MAGI2: variants seen among roughly 807,000 people sequenced by gnomAD.
The protein encoded by MAGI2 is membrane-associated guanylate kinase, WW and PDZ domain-containing protein 2.
Under a neutral mutation model 133.3 loss-of-function variants are expected in MAGI2, and 35 were observed. The observed-to-expected ratio is 0.26, with a 90% CI of 0.20 to 0.35. The LOEUF (loss-of-function observed/expected upper bound fraction) is 0.35, where lower values mean the gene tolerates loss of function less well. MAGI2 is among the 10% of genes least tolerant of loss of function. MAGI2 has a pLI of 1.00. For synonymous variants in MAGI2, 729 were observed against 710.6 expected, an observed-to-expected ratio of 1.03 and a Z score of -0.41; for missense variants, 1,636 against 1,863.4, an observed-to-expected ratio of 0.88 and a Z score of 2.25.
intron 20 of MAGI2, among the ~76,000 whole-genome samples, chr7:78,112,418 C>T (rs1450482237): frequency 6.6e-6 from 1 of 152,180 alleles, no homozygotes; most frequent in Non-Finnish European, 1.5e-5. Flanking sequence ...TTTGCATATA[C>T]AACCTCACTG....
intron 5 of MAGI2, chr7:78,490,092 T>G (rs958887978): frequency 6.6e-6 from 3 of 455,944 alleles, no homozygotes; most frequent in Non-Finnish European, 1.2e-5. Context: ...CAAGTTAACC[T>G]CATTGAAAAT....
At chr7:78,794,239 C>T (rs1413522459) in intron 2 of MAGI2, among the ~76,000 whole-genome samples, 1 of 152,114 alleles carries the variant, frequency 6.6e-6, no homozygotes, top group African/African-American at 2.4e-5. Flanking sequence ...CTGGTTAATC[C>T]TGAGATGCGG....
chr7:78,695,078 AG>A (rs1291643302), intron 2 of MAGI2, among the ~76,000 whole-genome samples: 1 of 152,024 alleles, frequency 6.6e-6, no homozygotes, highest in Admixed American at 6.6e-5. Context: ...ATGAAAGATT[AG>A]CTGGGCGTGG....
intron 11 of MAGI2, among the ~76,000 whole-genome samples, chr7:78,198,517 C>T (rs565083649): frequency 7.0e-4 from 106 of 150,916 alleles, no homozygotes; most frequent in African/African-American, 2.2e-3. Context: ...CTGCAACCTC[C>T]GCCTCCCGGG....
chr7:78,111,798 A>G (rs1008500552), intron 20 of MAGI2, among the ~76,000 whole-genome samples: 12 of 152,244 alleles, frequency 7.9e-5, no homozygotes, highest in Non-Finnish European at 1.8e-4. Context: ...GTGATGGCTG[A>G]GAGACAACCA....
intron 1 of MAGI2, chr7:79,351,941 T>C (rs2129110567): frequency 6.6e-6 from 1 of 152,330 alleles, no homozygotes; most frequent in African/African-American, 2.4e-5. Context: ...ACCAAAATCA[T>C]TAATTCATTT....
intron 7 of MAGI2, among the ~76,000 whole-genome samples, chr7:78,354,277 T>C (rs559526431): frequency 6.6e-6 from 1 of 152,342 alleles, no homozygotes; most frequent in South Asian, 2.1e-4. Context: ...AATAAATTAC[T>C]TATGAGTTGC....
intron 2 of MAGI2, among the ~76,000 whole-genome samples, chr7:78,936,762 G>GA (rs1800549059): frequency 6.6e-6 from 1 of 152,088 alleles, no homozygotes; most frequent in African/African-American, 2.4e-5. Context: ...TACTGTCAGG[G>GA]AAAATAGTTA....
In MAGI2 at chr7:78,418,231, G is replaced by A. The variant is rs528404280; in HGVS notation, c.1046-49018C>T. Among the ~76,000 whole-genome samples, 58 of 152,234 alleles carry A rather than the reference G, an allele frequency of 3.8e-4. 3 individuals are homozygous for A. In the South Asian group the frequency reaches 0.012, roughly 32 times the overall value. On this transcript the variant is annotated intron_variant, in intron 6 of 21. Coordinates refer to ENST00000354212, the MANE Select transcript of MAGI2 (RefSeq NM_012301.4). ...GTGAAACAAATATTCACTATTGGAA[G>A]AATGGCTGAAATTGTGTATTTTCTT...
At chr7:78,844,066 C>T (rs773252643) in intron 2 of MAGI2, among the ~76,000 whole-genome samples, 3 of 149,892 alleles carry the variant, frequency 2.0e-5, no homozygotes, top group East Asian at 1.9e-4. Flanking sequence ...CACATTCACA[C>T]GTTGCCTCTA....
In MAGI2 at chr7:78,187,592, T is replaced by C. The variant is rs561500448; in HGVS notation, c.2270-1922A>G. On this transcript the variant is annotated intron_variant, in intron 12 of 21. Transcript: ENST00000354212. ...AGTTTTGTTTCAAATAAAGAGCCAG[T>C]TGGCTCATGGAGAGCATAACAATCA... Among the ~76,000 whole-genome samples, 18 of 152,304 alleles carry C rather than the reference T, an allele frequency of 1.2e-4. 1 individual carries two copies. The South Asian group carries it at 3.7e-3, about 32-fold the overall frequency.
intron 9 of MAGI2, among the ~76,000 whole-genome samples, chr7:78,296,719 C>T (rs570122452): frequency 6.6e-5 from 10 of 152,142 alleles, no homozygotes; most frequent in African/African-American, 1.4e-4. Flanking sequence ...CTAGTGGTTT[C>T]GGAAATGCTT....
intron 9 of MAGI2, among the ~76,000 whole-genome samples, chr7:78,324,349 G>T (rs1788362010): frequency 6.6e-6 from 1 of 152,098 alleles, no homozygotes; most frequent in South Asian, 2.1e-4. Context: ...CAATTACTGA[G>T]ACTCGTATTA....
intron 9 of MAGI2, among the ~76,000 whole-genome samples, chr7:78,293,916 C>G (rs1167771043): frequency 1.3e-5 from 2 of 152,104 alleles, no homozygotes; most frequent in African/African-American, 2.4e-5. Flanking sequence ...TGAGGAACGT[C>G]ACACACCAGG....
At chr7:78,456,370 T>C (rs1166445201) in intron 6 of MAGI2, among the ~76,000 whole-genome samples, 1 of 152,170 alleles carries the variant, frequency 6.6e-6, no homozygotes, top group African/African-American at 2.4e-5. Context: ...TAATTCTATG[T>C]AAGAATCCTT....
chr7:78,513,281 G>A (rs766544309), intron 4 of MAGI2, among the ~76,000 whole-genome samples: 6 of 152,108 alleles, frequency 3.9e-5, no homozygotes, highest in Non-Finnish European at 7.4e-5. Flanking sequence ...TGGAGTCAAC[G>A]TATTTTTTGA....
At chr7:78,374,216 A>C (rs1249018484) in intron 6 of MAGI2, among the ~76,000 whole-genome samples, 2 of 152,128 alleles carry the variant, frequency 1.3e-5, no homozygotes, top group Non-Finnish European at 2.9e-5. Flanking sequence ...CTGCAGCTTC[A>C]CCAACATCTG....
At chr7:78,857,552 C>T (rs1402035934) in intron 2 of MAGI2, among the ~76,000 whole-genome samples, 4 of 152,224 alleles carry the variant, frequency 2.6e-5, no homozygotes, top group African/African-American at 7.2e-5. Context: ...TGATGCATTA[C>T]GTTTATTGAT....
intron 18 of MAGI2, among the ~76,000 whole-genome samples, chr7:78,129,600 G>A (rs1821336870): frequency 6.6e-6 from 1 of 152,112 alleles, no homozygotes; most frequent in Admixed American, 6.5e-5. Context: ...AAAAGTTCCA[G>A]AACAAAGAAA....
Sources: gnomAD v4.1 joint callset for allele counts (sites outside exome capture counted in the v4.1 genomes callset) on GRCh38, gnomAD v4.1.1 for gene constraint, MANE v1.5 for transcripts, NCBI Gene and HGNC (gene_info 2026-07-23, HGNC 2026-07-21) for gene names.